Variants in KCNC2 observed in about 807,000 individuals in gnomAD.
The protein encoded by KCNC2 is voltage-gated potassium channel KCNC2.
A neutral mutation model predicts 44.5 loss-of-function variants in KCNC2; 21 were observed. The observed-to-expected ratio is 0.47, with a 90% CI of 0.33 to 0.68. KCNC2 has a LOEUF of 0.68. Ranked by LOEUF, KCNC2 falls within the 30% of genes least tolerant of loss-of-function variation. The pLI is 0.01. For synonymous variants in KCNC2, 391 were observed against 339.1 expected, an observed-to-expected ratio of 1.15 and a Z score of -1.68; for missense variants, 589 against 826.2, an observed-to-expected ratio of 0.71 and a Z score of 3.52.
At chr12:75,162,400 C>T (rs1210122671) in intron 2 of KCNC2, among the ~76,000 whole-genome samples, 1 of 151,758 alleles carries the variant, frequency 6.6e-6, no homozygotes, top group African/African-American at 2.4e-5. Context: ...CTATGACATA[C>T]TGAGTCATCA....
chr12:75,152,602 C>T (rs563805470), intron 2 of KCNC2, among the ~76,000 whole-genome samples: 1 of 151,952 alleles, frequency 6.6e-6, no homozygotes, highest in South Asian at 2.1e-4. Flanking sequence ...AAAATAAGAA[C>T]ATTGGTAAAT....
At chr12:75,139,044 G>A (rs887992248) in intron 2 of KCNC2, among the ~76,000 whole-genome samples, 3 of 146,268 alleles carry the variant, frequency 2.1e-5, no homozygotes, top group African/African-American at 7.8e-5. Context: ...ATGGGATACC[G>A]GTTAGAGAAG....
chr12:75,103,343 T>C (rs528543278), intron 2 of KCNC2, among the ~76,000 whole-genome samples: 1 of 152,298 alleles, frequency 6.6e-6, no homozygotes, highest in African/African-American at 2.4e-5. Context: ...GTGTCATCCG[T>C]TTCTTGAAGC....
chr12:75,191,591 T>G lies in KCNC2; in HGVS notation c.687+15706A>C, dbSNP rs1464019714. Among the ~76,000 whole-genome samples, 4 of 123,400 alleles carry G rather than the reference T, an allele frequency of 3.2e-5. No individual in the cohort carries two copies. In the East Asian group the frequency reaches 8.4e-4, roughly 26 times the overall value. The allele number at this position is 123,400 out of a possible 152,430, so 81.0% of individuals were successfully genotyped here. A position where few individuals can be genotyped will look rare whatever the true frequency, so the allele number is the denominator to read the frequency against. ...CGGAGTCTCGCTCTGTCGCCCAGGC[T>G]GGACTGCGGACTGCAGTGGCGCAAT... On this transcript the variant is annotated intron_variant, in intron 2 of 4. Coordinates refer to ENST00000549446, the MANE Select transcript of KCNC2 (RefSeq NM_139137.4).
chr12:75,078,954 G>T (rs2137070515), intron 2 of KCNC2, among the ~76,000 whole-genome samples: 1 of 152,134 alleles, frequency 6.6e-6, no homozygotes, highest in Non-Finnish European at 1.5e-5. Context: ...CTGACTTTAA[G>T]GTAAGGACAG....
At chr12:75,112,527 T>C (rs1160702121) in intron 2 of KCNC2, among the ~76,000 whole-genome samples, 2 of 152,176 alleles carry the variant, frequency 1.3e-5, no homozygotes, top group African/African-American at 4.8e-5. Context: ...GTCCCTATTC[T>C]CTCCATTTAC....
chr12:75,114,201 G>C (rs1231232440), intron 2 of KCNC2, among the ~76,000 whole-genome samples: 1 of 152,044 alleles, frequency 6.6e-6, no homozygotes, highest in Non-Finnish European at 1.5e-5. Flanking sequence ...TGACTTTTTG[G>C]CTTACAGACC....
chr12:75,056,922 A>G (rs1362869583), intron 2 of KCNC2, among the ~76,000 whole-genome samples: 5 of 152,034 alleles, frequency 3.3e-5, no homozygotes, highest in Non-Finnish European at 7.4e-5. Flanking sequence ...CAACTAATAA[A>G]GCAAATGAAC....
chr12:75,119,378 T>C (rs527787534), intron 2 of KCNC2, among the ~76,000 whole-genome samples: 3 of 152,002 alleles, frequency 2.0e-5, no homozygotes, highest in East Asian at 1.9e-4. Context: ...TTCTCTCTAG[T>C]AGAGATCGTG....
intron 2 of KCNC2, among the ~76,000 whole-genome samples, chr12:75,060,193 T>G (rs1882165564): frequency 6.6e-6 from 1 of 152,122 alleles, no homozygotes; most frequent in Non-Finnish European, 1.5e-5. Flanking sequence ...TGAAACAACT[T>G]GGTACCAAGA....
intron 2 of KCNC2, among the ~76,000 whole-genome samples, chr12:75,190,189 G>T (rs897059527): frequency 1.3e-5 from 2 of 151,986 alleles, no homozygotes; most frequent in African/African-American, 4.8e-5. Flanking sequence ...TATGTTGTAG[G>T]GTCATATCCT....
At chr12:75,161,725 T>C (rs1009939909) in intron 2 of KCNC2, among the ~76,000 whole-genome samples, 9 of 151,720 alleles carry the variant, frequency 5.9e-5, no homozygotes, top group African/African-American at 2.2e-4. Context: ...ATTGCTCCCC[T>C]TCAGAGTCAT....
intron 2 of KCNC2, among the ~76,000 whole-genome samples, chr12:75,070,027 C>T (rs1883241453): frequency 6.6e-6 from 1 of 152,160 alleles, no homozygotes; most frequent in African/African-American, 2.4e-5. Context: ...GGTTCCTTTA[C>T]TTGTGCATAG....
chr12:75,096,179 A>C (rs541211142), intron 2 of KCNC2, among the ~76,000 whole-genome samples: 25 of 151,946 alleles, frequency 1.6e-4, no homozygotes, highest in Non-Finnish European at 2.9e-4. Flanking sequence ...CAAACAGCTC[A>C]CCTCAATCTT....
chr12:75,081,095 AAC>A (rs34193100), intron 2 of KCNC2, among the ~76,000 whole-genome samples: 62,445 of 151,886 alleles, frequency 0.41, 15,994 homozygotes, highest in Non-Finnish European at 0.58. Context: ...GCCTTCCTGT[AAC>A]GCTATACACT....
chr12:75,106,089 G>A (rs750902348), intron 2 of KCNC2, among the ~76,000 whole-genome samples: 6 of 151,932 alleles, frequency 3.9e-5, no homozygotes, highest in Non-Finnish European at 7.4e-5. Flanking sequence ...GAAACCAGAC[G>A]GTCTGAAAAA....
chr12:75,158,351 A>G lies in KCNC2; in HGVS notation c.687+48946T>C, dbSNP rs114437748. Among the ~76,000 whole-genome samples the G allele has an allele frequency of 8.2e-3, 1,240 of 152,042 alleles. 16 individuals carry two copies. Among genetic ancestry groups the G allele is most frequent in the African/African-American group, 0.028 (1,153 of 41,548 alleles). Reference sequence around the variant, plus strand: ...CAGCTTTATGGACAATTTTAATAAGAATTAAACCATACATATATTTGGAAA... The same window carrying G: ...CAGCTTTATGGACAATTTTAATAAGGATTAAACCATACATATATTTGGAAA... On this transcript the variant is annotated intron_variant, in intron 2 of 4. Transcript: ENST00000549446.
chr12:75,186,084 T>C (rs888923814), intron 2 of KCNC2, among the ~76,000 whole-genome samples: 4 of 150,028 alleles, frequency 2.7e-5, no homozygotes, highest in Admixed American at 1.3e-4. Flanking sequence ...AATAAATAAA[T>C]AAATAAATAA....
At position 75,042,895 on chromosome 12, in the gene KCNC2, T is replaced by C. The variant is rs1592744665; in HGVS notation, c.*210A>G. ...ATATCAGGGCAATTAATAGGAGGGA[T>C]CTTAGCACTACTTTAGACAATCTTT... On this transcript the variant is annotated 3_prime_UTR_variant, in exon 5 of 5. Coordinates refer to ENST00000549446, the MANE Select transcript of KCNC2 (RefSeq NM_139137.4). 3.8e-5 allele frequency: 52 copies of C among 1,358,368 alleles called. No individual in the cohort carries two copies. Among genetic ancestry groups the C allele is most frequent in the Non-Finnish European group, 4.6e-5 (49 of 1,058,088 alleles). 84.1% of individuals were successfully genotyped at this position (1,358,368 alleles called of 1,614,324 possible). A position where few individuals can be genotyped will look rare whatever the true frequency, so the allele number is the denominator to read the frequency against.
Sources: allele counts gnomAD v4.1 joint callset (sites outside exome capture counted in the v4.1 genomes callset), GRCh38; gene constraint gnomAD v4.1.1; transcripts MANE v1.5; gene names NCBI Gene and HGNC (gene_info 2026-07-23, HGNC 2026-07-21).